HS3ST3B1: variants seen among roughly 807,000 people sequenced by gnomAD.
The protein encoded by HS3ST3B1 is heparan sulfate glucosamine 3-O-sulfotransferase 3B1.
A neutral mutation model predicts 21.3 loss-of-function variants in HS3ST3B1; 13 were observed. The observed-to-expected ratio is 0.61, with a 90% CI of 0.40 to 0.97. The LOEUF is 0.97. Ranked by LOEUF, HS3ST3B1 falls within the 50% of genes least tolerant of loss-of-function variation. The pLI is 0.00. For missense variants in HS3ST3B1, 459 were observed against 554.8 expected (o/e 0.83, Z 1.73); for synonymous variants, 234 against 254.8 (o/e 0.92, Z 0.78).
chr17:14,312,172 T>A (rs1909325257), intron 1 of HS3ST3B1, among the ~76,000 whole-genome samples: 1 of 152,178 alleles, frequency 6.6e-6, no homozygotes, highest in African/African-American at 2.4e-5. Context: ...AGGCGCTTAC[T>A]TAATCTTAAC....
rs762516135 is a variant in HS3ST3B1, at chr17:14,301,890, C to T, written c.372C>T (p.Pro124=). The T allele has an allele frequency of 1.2e-6, 2 of 1,608,448 alleles. No homozygotes were observed. The highest frequency in any genetic ancestry group is 1.7e-6 in the Non-Finnish European group (2 of 1,178,258). Residue 124 remains proline, a synonymous_variant, in exon 1 of 2, where the codon CCC becomes CCT. Transcript: ENST00000360954. ...CCGAGGTGCCGGACTCCCCAAGCCC[C>T]ATCTCCAGCTTTTTCAGTGGGTCTG... ...QSPEVPDSPS[P]ISSFFSGSGS...
intron 1 of HS3ST3B1, chr17:14,328,881 A>T (rs73255292): frequency 6.6e-6 from 1 of 152,176 alleles, no homozygotes; most frequent in Non-Finnish European, 1.5e-5. Flanking sequence ...CAACTGCTTC[A>T]TTGCTTTTCT....
At chr17:14,334,058 G>A (rs1050769897) in intron 1 of HS3ST3B1, among the ~76,000 whole-genome samples, 1 of 152,200 alleles carries the variant, frequency 6.6e-6, no homozygotes, top group Non-Finnish European at 1.5e-5. Flanking sequence ...ACCGCGCCCG[G>A]CCAAGGCTGA....
chr17:14,348,274 G>T lies in HS3ST3B1; in HGVS notation c.*2628G>T, dbSNP rs947958719. The T allele has an allele frequency of 6.6e-6, 1 of 152,182 alleles. No individual in the cohort carries two copies. Among genetic ancestry groups the T allele is most frequent in the Non-Finnish European group, 1.5e-5 (1 of 68,036 alleles). The allele number at this position is 152,182 out of a possible 1,614,324, so 9.4% of individuals were successfully genotyped here. ...CAGGAAATTTTCTGGTAGAAGGAGG[G>T]TCATTTAGTCACGAACACTGAAGTG... On this transcript the variant is annotated 3_prime_UTR_variant, in exon 2 of 2. Transcript: ENST00000360954.
At chr17:14,320,343 A>G (rs140166118) in intron 1 of HS3ST3B1, among the ~76,000 whole-genome samples, 89 of 152,294 alleles carry the variant, frequency 5.8e-4, no homozygotes, top group African/African-American at 2.0e-3. Flanking sequence ...ATAAGAGTTC[A>G]TGAGCAGACC....
At chr17:14,338,720 G>A (rs1910276540) in intron 1 of HS3ST3B1, among the ~76,000 whole-genome samples, 1 of 152,134 alleles carries the variant, frequency 6.6e-6, no homozygotes, top group African/African-American at 2.4e-5. Context: ...TGGGATTACA[G>A]GTGTGAGCCA....
chr17:14,341,240 G>T (rs543734459), intron 1 of HS3ST3B1, among the ~76,000 whole-genome samples: 1 of 152,172 alleles, frequency 6.6e-6, no homozygotes, highest in Non-Finnish European at 1.5e-5. Context: ...AGGAAATTCC[G>T]GCTGCAGAGT....
intron 1 of HS3ST3B1, among the ~76,000 whole-genome samples, chr17:14,324,382 T>C (rs1909744765): frequency 6.6e-6 from 1 of 152,112 alleles, no homozygotes; most frequent in South Asian, 2.1e-4. Flanking sequence ...TGTCAGTGGC[T>C]TTTCTTTCTA....
intron 1 of HS3ST3B1, among the ~76,000 whole-genome samples, chr17:14,307,281 T>C (rs530713339): frequency 6.6e-6 from 1 of 152,168 alleles, no homozygotes; most frequent in Non-Finnish European, 1.5e-5. Flanking sequence ...TGGAAACTGA[T>C]AATTGAAAAT....
At chr17:14,328,294 G>C (rs1172772948) in intron 1 of HS3ST3B1, 1 of 152,210 alleles carries the variant, frequency 6.6e-6, no homozygotes, top group African/African-American at 2.4e-5. Context: ...GTTGGACTCT[G>C]TATACTGATC....
At chr17:14,325,537 T>C (rs1318328312) in intron 1 of HS3ST3B1, among the ~76,000 whole-genome samples, 3 of 152,214 alleles carry the variant, frequency 2.0e-5, no homozygotes, top group Admixed American at 6.5e-5. Context: ...ATTGGATTGC[T>C]ATATTGCTGT....
At chr17:14,313,111 T>TATATAC (rs1555548203) in intron 1 of HS3ST3B1, among the ~76,000 whole-genome samples, 44 of 115,342 alleles carry the variant, frequency 3.8e-4, no homozygotes, top group Admixed American at 7.7e-4. Flanking sequence ...TGTGTGTGTA[T>TATATAC]ATATATATAT....
At chr17:14,324,537 G>GC (rs1909749384) in intron 1 of HS3ST3B1, among the ~76,000 whole-genome samples, 1 of 152,070 alleles carries the variant, frequency 6.6e-6, no homozygotes, top group Non-Finnish European at 1.5e-5. Context: ...AGAATTAGCT[G>GC]CCCCTTCTTT....
At position 14,345,748 on chromosome 17, in the gene HS3ST3B1, A is replaced by C; in HGVS notation, c.*102A>C. 7.2e-7 allele frequency: 1 copy of C among 1,388,892 alleles called. No individual in the cohort carries two copies. The highest frequency in any genetic ancestry group is 9.6e-7 in the Non-Finnish European group (1 of 1,043,014). The allele number at this position is 1,388,892 out of a possible 1,614,324, so 86.0% of individuals were successfully genotyped here. ...TCTATTTTATAATAATTTATTTTTA[A>C]TTCATAAGCAATTAATTCACTAAGC... is the stretch of plus-strand genomic sequence containing the variant. On this transcript the variant is annotated 3_prime_UTR_variant, in exon 2 of 2. Transcript: ENST00000360954.
chr17:14,338,410 C>T (rs957971596), intron 1 of HS3ST3B1, among the ~76,000 whole-genome samples: 5 of 151,552 alleles, frequency 3.3e-5, no homozygotes, highest in South Asian at 4.1e-4. Flanking sequence ...AGATGTGAGC[C>T]AACACGCCCA....
chr17:14,329,373 AGGAAGG>A (rs1567641302), intron 1 of HS3ST3B1: 12 of 82,812 alleles, frequency 1.4e-4, no homozygotes, highest in African/African-American at 4.8e-4. Flanking sequence ...AAGAAAAGGA[AGGAAGG>A]AAGGAAGGAA....
chr17:14,301,767 G>T lies in HS3ST3B1; in HGVS notation c.249G>T (p.Gly83=), dbSNP rs540297359. 5 of 1,575,390 alleles carry T rather than the reference G, an allele frequency of 3.2e-6. No individual in the cohort carries two copies. In the East Asian group the frequency reaches 9.2e-5, roughly 29 times the overall value. Residue 83 remains glycine, a synonymous_variant, in exon 1 of 2, where the codon GGG becomes GGT. Transcript: ENST00000360954. ...CAGCCCTGGCCACAGCTCCGGACGG[G>T]ACGCCCCCCAGGCTGCCGTTCCGGG... is the stretch of plus-strand genomic sequence containing the variant. ...DPPALATAPD[G]TPPRLPFRAP...
intron 1 of HS3ST3B1, among the ~76,000 whole-genome samples, chr17:14,310,626 C>T (rs753686066): frequency 5.9e-5 from 9 of 152,212 alleles, no homozygotes; most frequent in Non-Finnish European, 1.2e-4. Flanking sequence ...ACACAAAGTA[C>T]ACAATTAGAG....
intron 1 of HS3ST3B1, among the ~76,000 whole-genome samples, chr17:14,310,136 G>A (rs1296624488): frequency 2.0e-5 from 3 of 152,182 alleles, no homozygotes; most frequent in Admixed American, 1.3e-4. Context: ...AGGACGAAGA[G>A]AAAGTGGGAA....
Sources: gnomAD v4.1 joint callset for allele counts (sites outside exome capture counted in the v4.1 genomes callset) on GRCh38, gnomAD v4.1.1 for gene constraint, MANE v1.5 for transcripts, NCBI Gene and HGNC (gene_info 2026-07-23, HGNC 2026-07-21) for gene names.